ATP8A2: variants seen among roughly 807,000 people sequenced by gnomAD.
ATP8A2 encodes phospholipid-transporting ATPase IB.
Under a neutral mutation model 165.6 loss-of-function variants are expected in ATP8A2, and 100 were observed. That is an observed-to-expected ratio of 0.60 (90% CI 0.51 to 0.71). ATP8A2 has a LOEUF of 0.71. Ranked by LOEUF, ATP8A2 falls within the 30% of genes least tolerant of loss-of-function variation. The pLI is 0.00. For missense variants in ATP8A2, 1,227 were observed against 1,479.5 expected (o/e 0.83, Z 2.80); for synonymous variants, 543 against 548.8 (o/e 0.99, Z 0.15).
At chr13:25,743,484 G>A (rs2043961292) in intron 25 of ATP8A2, among the ~76,000 whole-genome samples, 1 of 152,294 alleles carries the variant, frequency 6.6e-6, no homozygotes, top group South Asian at 2.1e-4. Context: ...CTATCAGAGT[G>A]GTGGATGGTC....
chr13:25,480,124 AC>A (rs1186492740), intron 2 of ATP8A2, among the ~76,000 whole-genome samples: 27 of 124,120 alleles, frequency 2.2e-4, no homozygotes, highest in Middle Eastern at 6.5e-3. Flanking sequence ...CGGGGGGCTG[AC>A]CCCCCACCTC....
At chr13:25,605,863 G>T (rs1253269241) in intron 24 of ATP8A2, among the ~76,000 whole-genome samples, 1 of 152,056 alleles carries the variant, frequency 6.6e-6, no homozygotes, top group Non-Finnish European at 1.5e-5. Flanking sequence ...TGTTTATTTT[G>T]TTAGAATAAA....
At chr13:25,606,830 G>A (rs566768138) in intron 24 of ATP8A2, among the ~76,000 whole-genome samples, 1 of 152,218 alleles carries the variant, frequency 6.6e-6, no homozygotes, top group Non-Finnish European at 1.5e-5. Flanking sequence ...TTTGGTTGAG[G>A]AACTATCAAT....
intron 34 of ATP8A2, among the ~76,000 whole-genome samples, chr13:25,964,529 CT>C (rs1253591871): frequency 1.3e-5 from 2 of 152,228 alleles, no homozygotes; most frequent in African/African-American, 4.8e-5. Context: ...TGAGATTTCT[CT>C]TTCTGAACTG....
intron 24 of ATP8A2, among the ~76,000 whole-genome samples, chr13:25,632,299 T>G (rs1359261841): frequency 1.3e-5 from 2 of 151,962 alleles, no homozygotes; most frequent in African/African-American, 4.8e-5. Context: ...TGGCCATTGG[T>G]GATTCACTCA....
intron 33 of ATP8A2, among the ~76,000 whole-genome samples, chr13:25,908,288 C>T (rs76666976): frequency 0.01 from 1,533 of 152,258 alleles, 16 homozygotes; most frequent in Non-Finnish European, 0.014. Flanking sequence ...AGTCCGAGCA[C>T]TTTAGGTCTG....
intron 1 of ATP8A2, among the ~76,000 whole-genome samples, chr13:25,424,057 C>T (rs1370131863): frequency 3.9e-5 from 6 of 152,014 alleles, no homozygotes; most frequent in Non-Finnish European, 5.9e-5. Flanking sequence ...TGTCGGCACA[C>T]GGTGTCTTAG....
chr13:25,629,360 A>G (rs1483507686), intron 24 of ATP8A2, among the ~76,000 whole-genome samples: 1 of 152,212 alleles, frequency 6.6e-6, no homozygotes, highest in Non-Finnish European at 1.5e-5. Flanking sequence ...TTAACACACT[A>G]TAATGAAGGC....
intron 33 of ATP8A2, among the ~76,000 whole-genome samples, chr13:25,926,559 T>C (rs971743249): frequency 2.0e-4 from 31 of 152,176 alleles, no homozygotes; most frequent in African/African-American, 6.5e-4. Context: ...GTCTGGCATG[T>C]AATAGGTGTT....
At chr13:25,703,705 A>G (rs1009244293) in intron 25 of ATP8A2, among the ~76,000 whole-genome samples, 3 of 152,198 alleles carry the variant, frequency 2.0e-5, no homozygotes, top group Non-Finnish European at 4.4e-5. Flanking sequence ...ATATTATATG[A>G]TTCCATTCCT....
At chr13:25,460,379 C>T (rs756899698) in intron 1 of ATP8A2, among the ~76,000 whole-genome samples, 4 of 152,232 alleles carry the variant, frequency 2.6e-5, no homozygotes, top group Admixed American at 6.5e-5. Context: ...TGGGGTCCTA[C>T]GAGCAATGGA....
At chr13:25,656,369 G>A (rs751617982) in intron 24 of ATP8A2, among the ~76,000 whole-genome samples, 5 of 151,620 alleles carry the variant, frequency 3.3e-5, no homozygotes, top group Non-Finnish European at 5.9e-5. Context: ...TCCGCCTCCT[G>A]GGTTCAAGTG....
rs1254538657 is a variant in ATP8A2 at position 25,773,130 on chromosome 13, T to A, written c.2569-1719T>A. Among the ~76,000 whole-genome samples, 4 of 152,216 alleles carry A rather than the reference T, an allele frequency of 2.6e-5. No homozygotes were observed. In the East Asian group the frequency reaches 7.7e-4, roughly 29 times the overall value. Reference sequence around the variant, plus strand: ...TATATAACTGCAAAAGAATTTCTAATGTCCTGGGCATTCTCAATACAGCCT... The same window carrying A: ...TATATAACTGCAAAAGAATTTCTAAAGTCCTGGGCATTCTCAATACAGCCT... On this transcript the variant is annotated intron_variant, in intron 26 of 36. Transcript: ENST00000381655.
At chr13:25,442,330 C>G (rs1045356539) in intron 1 of ATP8A2, among the ~76,000 whole-genome samples, 2 of 152,200 alleles carry the variant, frequency 1.3e-5, no homozygotes, top group Non-Finnish European at 2.9e-5. Context: ...ATACTGTTTT[C>G]CATAGCAGCT....
intron 35 of ATP8A2, among the ~76,000 whole-genome samples, chr13:25,973,245 C>T (rs887363424): frequency 1.3e-5 from 2 of 152,280 alleles, no homozygotes; most frequent in African/African-American, 2.4e-5. Context: ...TCTGGCGAGC[C>T]GTCGCCTCGT....
intron 35 of ATP8A2, among the ~76,000 whole-genome samples, chr13:26,009,299 G>A (rs1029268742): frequency 3.3e-5 from 5 of 152,122 alleles, no homozygotes; most frequent in East Asian, 3.9e-4. Flanking sequence ...AGCCTGGTGC[G>A]CTTCCTGATT....
intron 24 of ATP8A2, among the ~76,000 whole-genome samples, chr13:25,664,891 G>C (rs1238615727): frequency 6.7e-6 from 1 of 149,028 alleles, no homozygotes; most frequent in Non-Finnish European, 1.5e-5. Context: ...ACTAAAAGAA[G>C]ATTGACATTT....
intron 27 of ATP8A2, among the ~76,000 whole-genome samples, chr13:25,820,108 A>G (rs1262834994): frequency 1.3e-5 from 2 of 152,186 alleles, no homozygotes; most frequent in Non-Finnish European, 2.9e-5. Context: ...AGAGCCTGAG[A>G]GTGGCGGCAG....
intron 15 of ATP8A2, 62 bp downstream of exon 15, chr13:25,559,827 T>A: frequency 6.5e-6 from 8 of 1,233,612 alleles, no homozygotes; most frequent in Non-Finnish European, 9.5e-6. Context: ...AATTATTTAT[T>A]ATTATTCATT....
Sources: allele counts gnomAD v4.1 joint callset (sites outside exome capture counted in the v4.1 genomes callset), GRCh38; gene constraint gnomAD v4.1.1; transcripts MANE v1.5; gene names NCBI Gene and HGNC (gene_info 2026-07-23, HGNC 2026-07-21).